Variants in SIMC1 observed in about 807,000 individuals in gnomAD.
SIMC1 encodes the protein SUMO-interacting motif-containing protein 1.
Under a neutral mutation model 82.3 loss-of-function variants are expected in SIMC1, and 55 were observed. The observed-to-expected ratio is 0.67, with a 90% CI of 0.54 to 0.84. SIMC1 has a LOEUF of 0.84. SIMC1 is among the 40% of genes least tolerant of loss of function. SIMC1 has a pLI of 0.00. For missense variants in SIMC1, 915 were observed against 1,107.2 expected (o/e 0.83, Z 2.46); for synonymous variants, 353 against 426.3 (o/e 0.83, Z 2.12).
chr5:176,286,353 C>T (rs369370793), intron 1 of SIMC1, among the ~76,000 whole-genome samples: 1 of 152,270 alleles, frequency 6.6e-6, no homozygotes, highest in South Asian at 2.1e-4. Context: ...ACCATCTGAT[C>T]TTTGACAAAC....
Position 176,290,208 on chromosome 5 carries a change from C to G in SIMC1, c.684C>G (p.Cys228Trp), listed in dbSNP as rs1763486819. The G allele has an allele frequency of 6.2e-7, 1 of 1,603,698 alleles. No individual in the cohort carries two copies. Among genetic ancestry groups the G allele is most frequent in the Non-Finnish European group, 8.5e-7 (1 of 1,175,654 alleles). ...CGTGCCCCCTGCGACCTTTGCCATG[C>G]CCACCGAGAGCCTCACCATGTCCAC... ...ALPCPLRPLP[C>W]PPRASPCPPR... The change falls in exon 2 of 10, where the codon TGC becomes TGG. Residue 228 changes from cysteine (C) to tryptophan (W), a missense_variant. Transcript: ENST00000429602.
chr5:176,311,648 T>TA (rs1325691250), intron 4 of SIMC1, among the ~76,000 whole-genome samples: 1 of 151,588 alleles, frequency 6.6e-6, no homozygotes, highest in African/African-American at 2.4e-5. Flanking sequence ...TACAGGTAGT[T>TA]AAAGGAGGGG....
At chr5:176,288,158 A>AGCACTTTG (rs1174718658) in intron 1 of SIMC1, among the ~76,000 whole-genome samples, 1 of 152,244 alleles carries the variant, frequency 6.6e-6, no homozygotes, top group Non-Finnish European at 1.5e-5. Context: ...CTGTAATCCC[A>AGCACTTTG]GCACTTTGGG....
At chr5:176,293,640 T>A (rs1442346106) in intron 2 of SIMC1, among the ~76,000 whole-genome samples, 1 of 151,162 alleles carries the variant, frequency 6.6e-6, no homozygotes, top group Non-Finnish European at 1.5e-5. Flanking sequence ...CCCAGCTACT[T>A]GGGAGGCTGA....
intron 7 of SIMC1, among the ~76,000 whole-genome samples, chr5:176,335,822 T>G (rs1398159613): frequency 6.6e-6 from 1 of 151,996 alleles, no homozygotes; most frequent in African/African-American, 2.4e-5. Context: ...GTGGGAAGAT[T>G]GCTTGAGCCC....
At chr5:176,302,731 C>G (rs141435029) in intron 4 of SIMC1, among the ~76,000 whole-genome samples, 1 of 151,572 alleles carries the variant, frequency 6.6e-6, no homozygotes, top group Non-Finnish European at 1.5e-5. Context: ...AAAACCAGCT[C>G]ACAAAACTCA....
At chr5:176,301,028 C>T (rs1764018758) in intron 4 of SIMC1, among the ~76,000 whole-genome samples, 1 of 152,172 alleles carries the variant, frequency 6.6e-6, no homozygotes, top group Non-Finnish European at 1.5e-5. Flanking sequence ...TAAAAATTAA[C>T]ACCAATCCTC....
At chr5:176,270,436 C>A (rs1050712302) in intron 1 of SIMC1, 2 of 151,910 alleles carry the variant, frequency 1.3e-5, no homozygotes, top group Non-Finnish European at 2.9e-5. Flanking sequence ...TGAATAGAAC[C>A]CTCCAGCATT....
chr5:176,329,405 A>G (rs1045007006), intron 7 of SIMC1, among the ~76,000 whole-genome samples: 1 of 150,834 alleles, frequency 6.6e-6, no homozygotes, highest in African/African-American at 2.4e-5. Context: ...CGGGAGGCGG[A>G]GCTTGCAGTG....
At chr5:176,281,429 G>C (rs994095207) in intron 1 of SIMC1, among the ~76,000 whole-genome samples, 19 of 152,122 alleles carry the variant, frequency 1.2e-4, no homozygotes, top group Admixed American at 2.6e-4. Flanking sequence ...CTCTCAACTC[G>C]TCAAAGTCAT....
Position 176,336,712 on chromosome 5 carries a change from CCA to C in SIMC1, c.2172-3_2172-2del, listed in dbSNP as rs1765911291. 6 of 1,613,578 alleles carry C rather than the reference CCA, an allele frequency of 3.7e-6. No homozygotes were observed. Among genetic ancestry groups the C allele is most frequent in the Non-Finnish European group, 4.2e-6 (5 of 1,179,720 alleles). On this transcript the variant is annotated splice_polypyrimidine_tract_variant and splice_region_variant and intron_variant, in intron 7 of 9. Coordinates refer to ENST00000429602, the MANE Select transcript of SIMC1 (RefSeq NM_001308195.2). ...ATGATTAACTCCCTCTTCCTCTTCT[CCA>C]CACAGAGAAATGTTCTTTACTACCA...
intron 5 of SIMC1, among the ~76,000 whole-genome samples, chr5:176,320,163 A>G (rs1326859149): frequency 6.6e-6 from 1 of 152,092 alleles, no homozygotes; most frequent in Non-Finnish European, 1.5e-5. Flanking sequence ...CAGCATGCCT[A>G]TGTTCATTTA....
intron 7 of SIMC1, among the ~76,000 whole-genome samples, chr5:176,334,125 G>T (rs894194656): frequency 6.6e-5 from 10 of 152,106 alleles, no homozygotes; most frequent in Non-Finnish European, 1.0e-4. Context: ...CAACATGTAT[G>T]TCACCTCTTG....
At chr5:176,243,232 C>T (rs1171579876) in intron 1 of SIMC1, among the ~76,000 whole-genome samples, 1 of 151,912 alleles carries the variant, frequency 6.6e-6, no homozygotes, top group Non-Finnish European at 1.5e-5. Flanking sequence ...AATATTTGAC[C>T]TGAGACTAAA....
chr5:176,307,905 A>G (rs1764496789), intron 4 of SIMC1, among the ~76,000 whole-genome samples: 1 of 152,238 alleles, frequency 6.6e-6, no homozygotes, highest in Non-Finnish European at 1.5e-5. Flanking sequence ...ACCCAACAAA[A>G]ATGAAAACCT....
At chr5:176,324,167 A>C (rs1424465449) in intron 6 of SIMC1, among the ~76,000 whole-genome samples, 1 of 152,140 alleles carries the variant, frequency 6.6e-6, no homozygotes, top group Non-Finnish European at 1.5e-5. Context: ...GACCGAACTT[A>C]GTAAGAAGCT....
At chr5:176,260,820 G>A (rs1761988729) in intron 1 of SIMC1, among the ~76,000 whole-genome samples, 1 of 152,080 alleles carries the variant, frequency 6.6e-6, no homozygotes, top group Non-Finnish European at 1.5e-5. Context: ...AAGCAGAAAT[G>A]GCAGATGCGC....
At chr5:176,334,973 C>A (rs2113404840) in intron 7 of SIMC1, among the ~76,000 whole-genome samples, 1 of 151,948 alleles carries the variant, frequency 6.6e-6, no homozygotes, top group South Asian at 2.1e-4. Context: ...TGCCTATAAT[C>A]CCAGCGGCTC....
At position 176,295,051 on chromosome 5, in the gene SIMC1, C is replaced by A; in HGVS notation, c.1453C>A (p.Pro485Thr). ...ACAGAACAAGGGTCAAAAATTAGAACCCATCCCTCATCGAAGACTAAGAAT... is the reference window on the plus strand; with the variant it reads ...ACAGAACAAGGGTCAAAAATTAGAAACCATCCCTCATCGAAGACTAAGAAT... ...TRENKGQKLEPIPHRRLRMVT... is the reference protein window; with the variant it reads ...TRENKGQKLETIPHRRLRMVT... The change falls in exon 3 of 10, where the codon CCC becomes ACC. Residue 485 changes from proline to threonine, a missense_variant. Physicochemically the swap from Pro to Thr is conservative, Grantham distance 38. Transcript: ENST00000429602. 5.6e-6 allele frequency: 9 copies of A among 1,611,872 alleles called. No homozygotes were observed. The highest frequency in any genetic ancestry group is 7.6e-6 in the Non-Finnish European group (9 of 1,179,284).
Sources: gnomAD v4.1 joint callset for allele counts (sites outside exome capture counted in the v4.1 genomes callset) on GRCh38, gnomAD v4.1.1 for gene constraint, MANE v1.5 for transcripts, NCBI Gene and HGNC (gene_info 2026-07-23, HGNC 2026-07-21) for gene names.